The following UGT1A5 variants were observed in gnomAD, a reference collection of about 807,000 sequenced individuals.
The protein encoded by UGT1A5 is UDP-glucuronosyltransferase 1A5.
UGT1A5 carries 29 observed loss-of-function variants against 40.3 expected under a neutral mutation model. The ratio of observed to expected loss-of-function variants is 0.72; its 90% CI spans 0.54 to 0.98. UGT1A5 has a LOEUF of 0.98. UGT1A5 is among the 50% of genes least tolerant of loss of function. The pLI, the probability that UGT1A5 is intolerant of heterozygous loss-of-function variation, is 0.00. For missense variants in UGT1A5, 678 were observed against 677.9 expected (o/e 1.00, Z 0.00); for synonymous variants, 257 against 262.5 (o/e 0.98, Z 0.20).
At chr2:233,729,271 C>G (rs45595237) in intron 1 of UGT1A5, 3 of 1,614,050 alleles carry the variant, frequency 1.9e-6, no homozygotes, top group Non-Finnish European at 8.5e-7. Flanking sequence ...GGAGGTCTTG[C>G]GGGAGCTCCA....
At chr2:233,768,504 G>GA in intron 4 of UGT1A5, 65 bp downstream of exon 4, 1 of 1,558,444 alleles carries the variant, frequency 6.4e-7, no homozygotes. Flanking sequence ...TTTCAAATAT[G>GA]AAAACATTTA....
Position 233,712,915 on chromosome 2 carries a change from G to C in UGT1A5, c.-77G>C. 1 of 1,611,388 alleles carries C rather than the reference G, an allele frequency of 6.2e-7. No individual in the cohort carries two copies. The highest frequency in any genetic ancestry group is 8.5e-7 in the Non-Finnish European group (1 of 1,179,672). ...GATTTGCTAGGTGTCTCAGTGACAA[G>C]GTAATTAAGACGAAGGAAACAATTC... is the stretch of plus-strand genomic sequence containing the variant. On this transcript the variant is annotated 5_prime_UTR_variant, in exon 1 of 5. Coordinates refer to ENST00000373414, the MANE Select transcript of UGT1A5 (RefSeq NM_019078.2).
chr2:233,724,270 G>A (rs1404305230), intron 1 of UGT1A5, among the ~76,000 whole-genome samples: 18 of 134,540 alleles, frequency 1.3e-4, no homozygotes, highest in African/African-American at 3.1e-4. Flanking sequence ...CGGACGGGGC[G>A]GCTGGCCGGG....
rs780535548 is a variant in UGT1A5, at chr2:233,713,393, T to C, written c.402T>C (p.Asn134=). 7 of 1,614,220 alleles carry C rather than the reference T, an allele frequency of 4.3e-6. No homozygotes were observed. The highest frequency in any genetic ancestry group is 3.3e-5 in the South Asian group (3 of 91,078). The part of the protein sequence containing the change: ...IHRSCVELLH[N]EALIRHLHAT... Reference sequence around the variant, plus strand: ...GGTCTTGTGTGGAGCTACTGCATAATGAGGCCCTGATCAGGCACCTGCATG... The same window carrying C: ...GGTCTTGTGTGGAGCTACTGCATAACGAGGCCCTGATCAGGCACCTGCATG... Residue 134 remains asparagine (N), a synonymous_variant, in exon 1 of 5, where the codon AAT becomes AAC. Transcript: ENST00000373414.
At chr2:233,754,113 C>T (rs1185376783) in intron 1 of UGT1A5, among the ~76,000 whole-genome samples, 1 of 152,168 alleles carries the variant, frequency 6.6e-6, no homozygotes, top group Non-Finnish European at 1.5e-5. Flanking sequence ...TCCTACATCA[C>T]GAGCATTTAT....
At chr2:233,740,770 T>C (rs1691472296) in intron 1 of UGT1A5, 2 of 151,812 alleles carry the variant, frequency 1.3e-5, no homozygotes, top group Admixed American at 6.5e-5. Flanking sequence ...CAAACCGTTG[T>C]ATAAAAGATG....
At chr2:233,725,966 G>A (rs1413354611) in intron 1 of UGT1A5, among the ~76,000 whole-genome samples, 1 of 152,090 alleles carries the variant, frequency 6.6e-6, no homozygotes, top group Non-Finnish European at 1.5e-5. Context: ...AGGAGTCTGA[G>A]AGCAGCCTGG....
At chr2:233,767,333 T>C (rs921656362) in intron 2 of UGT1A5, among the ~76,000 whole-genome samples, 168 bp downstream of exon 2, 5 of 152,208 alleles carry the variant, frequency 3.3e-5, no homozygotes, top group African/African-American at 1.2e-4. Flanking sequence ...GTTGTTGTCA[T>C]TGTTTTCAAT....
intron 1 of UGT1A5, chr2:233,722,063 A>G (rs2076988750): frequency 4.1e-6 from 1 of 244,354 alleles, no homozygotes; most frequent in Non-Finnish European, 8.2e-6. Context: ...GGTCAAGTGA[A>G]TAAAGAAGAA....
At chr2:233,752,571 C>A (rs1486074220) in intron 1 of UGT1A5, 2 of 152,178 alleles carry the variant, frequency 1.3e-5, no homozygotes, top group African/African-American at 2.4e-5. Flanking sequence ...AGTGGGTCAA[C>A]ATCATTCCCA....
intron 1 of UGT1A5, chr2:233,761,180 C>A (rs374898247): frequency 6.2e-7 from 1 of 1,614,128 alleles, no homozygotes; most frequent in East Asian, 2.2e-5. Context: ...CTTTTACATG[C>A]GTATATTCTT....
intron 1 of UGT1A5, among the ~76,000 whole-genome samples, chr2:233,734,963 T>A (rs1419315489): frequency 6.6e-6 from 1 of 152,234 alleles, no homozygotes; most frequent in Non-Finnish European, 1.5e-5. Context: ...ATAAGTGTGA[T>A]GTGGTGCTGA....
chr2:233,754,728 C>T (rs964525273), intron 1 of UGT1A5: 1 of 620,812 alleles, frequency 1.6e-6, no homozygotes, highest in African/African-American at 1.9e-5. Context: ...TGTCCCATCA[C>T]TACCGTAGGA....
At chr2:233,732,867 G>A (rs368077438) in intron 1 of UGT1A5, among the ~76,000 whole-genome samples, 9 of 150,836 alleles carry the variant, frequency 6.0e-5, no homozygotes, top group South Asian at 4.2e-4. Context: ...GTAGCTTGAT[G>A]GGTTTGGCAT....
intron 1 of UGT1A5, among the ~76,000 whole-genome samples, chr2:233,727,735 C>A (rs1040217488): frequency 1.3e-5 from 2 of 152,208 alleles, no homozygotes; most frequent in Non-Finnish European, 2.9e-5. Flanking sequence ...CTTTTCTGTG[C>A]CATCCTGCGT....
chr2:233,749,047 T>C (rs561305390), intron 1 of UGT1A5, among the ~76,000 whole-genome samples: 1 of 151,806 alleles, frequency 6.6e-6, no homozygotes, highest in Non-Finnish European at 1.5e-5. Flanking sequence ...TGTGGTACTC[T>C]GGGACCTGAA....
Position 233,767,880 on chromosome 2 carries a change from C to A in UGT1A5, c.1031C>A (p.Ser344Ter), listed in dbSNP as rs144978321. 4.3e-6 allele frequency: 7 copies of A among 1,614,168 alleles called. No individual in the cohort carries two copies. Among genetic ancestry groups the A allele is most frequent in the Non-Finnish European group, 5.1e-6 (6 of 1,180,044 alleles). ...VLWRYTGTRP[S>*]NLANNTILVK... ...TGGCGGTACACTGGAACCCGACCAT[C>A]GAATCTTGCGAACAACACGATACTT... The change falls in exon 3 of 5, where the codon TCG (serine) becomes TAG (stop). Residue 344 changes from serine (S) to a stop codon, truncating the protein, a stop_gained. Coordinates refer to ENST00000373414, the MANE Select transcript of UGT1A5 (RefSeq NM_019078.2). LOFTEE classifies it high-confidence loss of function.
rs1407251042 is a variant in UGT1A5 at position 233,713,711 on chromosome 2, G to T, written c.720G>T (p.Gln240His). 1 of 1,613,928 alleles carries T rather than the reference G, an allele frequency of 6.2e-7. No individual in the cohort carries two copies. The highest frequency in any genetic ancestry group is 2.2e-5 in the East Asian group (1 of 44,870). ...CAAGCCTTGCCTCTGAGCTTTTTCA[G>T]AGAGAGGTGTCAGTGGTGGATCTTG... ...PYASLASELF[Q>H]REVSVVDLVS... The change falls in exon 1 of 5, where the codon CAG (glutamine) becomes CAT (histidine). Residue 240 changes from glutamine (Q) to histidine (H), a missense_variant. Gln to His is a conservative substitution (Grantham distance 24). Transcript: ENST00000373414.
chr2:233,729,614 A>G, intron 1 of UGT1A5: 1 of 1,614,008 alleles, frequency 6.2e-7, no homozygotes, highest in Non-Finnish European at 8.5e-7. Flanking sequence ...GTGCTGGCTA[A>G]GTACCTGTCG....
Sources: allele counts gnomAD v4.1 joint callset (sites outside exome capture counted in the v4.1 genomes callset), GRCh38; gene constraint gnomAD v4.1.1; transcripts MANE v1.5; gene names NCBI Gene and HGNC (gene_info 2026-07-23, HGNC 2026-07-21).